MACROD2: variants seen among roughly 807,000 people sequenced by gnomAD.
MACROD2 encodes the protein ADP-ribose glycohydrolase MACROD2.
MACROD2 carries 36 observed loss-of-function variants against 70.4 expected under a neutral mutation model. The ratio of observed to expected loss-of-function variants is 0.51; its 90% CI spans 0.39 to 0.68. MACROD2 has a LOEUF of 0.68. MACROD2 is among the 30% of genes least tolerant of loss of function. MACROD2 has a pLI of 0.00. For missense variants in MACROD2, 496 were observed against 538.4 expected, an observed-to-expected ratio of 0.92 and a Z score of 0.78; for synonymous variants, 172 against 178.8, an observed-to-expected ratio of 0.96 and a Z score of 0.30.
chr20:14,791,462 T>G (rs1250070267), intron 5 of MACROD2, among the ~76,000 whole-genome samples: 5 of 152,122 alleles, frequency 3.3e-5, no homozygotes, highest in Non-Finnish European at 7.3e-5. Context: ...AAAACACAGC[T>G]ATCAGTGTCA....
intron 5 of MACROD2, among the ~76,000 whole-genome samples, chr20:14,758,229 T>A (rs1600633228): frequency 6.6e-6 from 1 of 152,234 alleles, no homozygotes; most frequent in East Asian, 1.9e-4. Context: ...AACCAGAAGA[T>A]CACTTGTGCC....
At chr20:14,318,844 C>A (rs1280827974) in intron 3 of MACROD2, among the ~76,000 whole-genome samples, 1 of 152,112 alleles carries the variant, frequency 6.6e-6, no homozygotes, top group Non-Finnish European at 1.5e-5. Context: ...TAGGCCACTG[C>A]AATCTTTTTC....
At chr20:14,434,818 T>C (rs1250348690) in intron 3 of MACROD2, among the ~76,000 whole-genome samples, 1 of 152,192 alleles carries the variant, frequency 6.6e-6, no homozygotes, top group Non-Finnish European at 1.5e-5. Context: ...TCATCCACTT[T>C]AGTAACCCAT....
chr20:15,260,362 C>A (rs944801245), intron 6 of MACROD2, among the ~76,000 whole-genome samples: 1 of 151,030 alleles, frequency 6.6e-6, no homozygotes, highest in Non-Finnish European at 1.5e-5. Flanking sequence ...TTTTTAGCTC[C>A]CACATATAAG....
In MACROD2 at chr20:15,149,365, G is replaced by C. The variant is rs565271958; in HGVS notation, c.419-80575G>C. 8.5e-5 allele frequency among the ~76,000 whole-genome samples: 13 copies of C among 152,160 alleles called. No homozygotes were observed. In the South Asian group the frequency reaches 1.4e-3, roughly 17 times the overall value. Reference sequence around the variant, plus strand: ...ATTAGGCCTGGTGGAGCTGCCATCAGTAAACCAAGTGTGATCAGGGTGAGG... The same window carrying C: ...ATTAGGCCTGGTGGAGCTGCCATCACTAAACCAAGTGTGATCAGGGTGAGG... On this transcript the variant is annotated intron_variant, in intron 5 of 17. Coordinates refer to ENST00000684519, the MANE Select transcript of MACROD2 (RefSeq NM_001351661.2).
At chr20:15,909,564 C>T (rs192391171) in intron 10 of MACROD2, among the ~76,000 whole-genome samples, 1,449 of 144,550 alleles carry the variant, frequency 0.01, 21 homozygotes, top group African/African-American at 0.036. Flanking sequence ...CTCTCTGTCG[C>T]CCAGGCTGGA....
At chr20:14,454,254 TA>T (rs1456377012) in intron 3 of MACROD2, among the ~76,000 whole-genome samples, 16 of 152,032 alleles carry the variant, frequency 1.1e-4, no homozygotes, top group African/African-American at 3.9e-4. Flanking sequence ...ATTTATCTAT[TA>T]GTTTCTCAGT....
chr20:15,486,803 T>C (rs2047168743), intron 7 of MACROD2, among the ~76,000 whole-genome samples: 1 of 152,230 alleles, frequency 6.6e-6, no homozygotes, highest in Admixed American at 6.5e-5. Flanking sequence ...TCTGAAACAT[T>C]GTGTGTTCAC....
At chr20:16,037,470 A>G (rs1003495403) in intron 15 of MACROD2, among the ~76,000 whole-genome samples, 10 of 151,944 alleles carry the variant, frequency 6.6e-5, no homozygotes, top group African/African-American at 2.4e-4. Context: ...CCCTAAGAAA[A>G]TAGTCAAGAA....
At chr20:15,187,962 T>C (rs1191834804) in intron 5 of MACROD2, among the ~76,000 whole-genome samples, 2 of 152,152 alleles carry the variant, frequency 1.3e-5, no homozygotes, top group Non-Finnish European at 2.9e-5. Flanking sequence ...ATGTCCTTAA[T>C]TATCCTGGAT....
intron 15 of MACROD2, among the ~76,000 whole-genome samples, chr20:16,022,530 G>T (rs2067018094): frequency 6.6e-6 from 1 of 152,186 alleles, no homozygotes; most frequent in African/African-American, 2.4e-5. Flanking sequence ...CACTAGGGCA[G>T]CTTGTTAAAT....
intron 3 of MACROD2, among the ~76,000 whole-genome samples, chr20:14,164,777 C>A (rs775086757): frequency 1.3e-5 from 2 of 152,110 alleles, no homozygotes; most frequent in Non-Finnish European, 1.5e-5. Context: ...GAGGATGAAT[C>A]TTCAGGTGGG....
intron 3 of MACROD2, among the ~76,000 whole-genome samples, chr20:14,227,029 A>G (rs899977416): frequency 5.9e-5 from 9 of 152,172 alleles, no homozygotes; most frequent in African/African-American, 9.7e-5. Flanking sequence ...AAATACACCA[A>G]TTGGCACTCT....
At chr20:14,833,511 T>C (rs2072994624) in intron 5 of MACROD2, among the ~76,000 whole-genome samples, 1 of 152,124 alleles carries the variant, frequency 6.6e-6, no homozygotes, top group Admixed American at 6.5e-5. Context: ...GTTTTTACGA[T>C]TCTGAAGTAT....
intron 5 of MACROD2, among the ~76,000 whole-genome samples, chr20:14,849,031 A>G (rs956708217): frequency 6.6e-6 from 1 of 152,096 alleles, no homozygotes; most frequent in African/African-American, 2.4e-5. Flanking sequence ...CTGTTCATTG[A>G]TCCAGGCAGC....
At chr20:14,732,001 G>A (rs994254217) in intron 5 of MACROD2, among the ~76,000 whole-genome samples, 10 of 151,790 alleles carry the variant, frequency 6.6e-5, no homozygotes, top group Admixed American at 1.3e-4. Context: ...TTAAATTCTC[G>A]CTTAATTTCT....
intron 2 of MACROD2, among the ~76,000 whole-genome samples, chr20:14,058,381 C>T (rs1356587873): frequency 6.6e-6 from 1 of 151,522 alleles, no homozygotes. Flanking sequence ...CCTATATGTT[C>T]TCACATTCAG....
At chr20:14,229,167 A>G (rs573200675) in intron 3 of MACROD2, among the ~76,000 whole-genome samples, 2 of 152,318 alleles carry the variant, frequency 1.3e-5, no homozygotes, top group South Asian at 4.1e-4. Context: ...TTTGCTGATG[A>G]GCTTCTTTTA....
intron 6 of MACROD2, among the ~76,000 whole-genome samples, chr20:15,261,739 G>A (rs1257077100): frequency 6.6e-6 from 1 of 151,926 alleles, no homozygotes; most frequent in African/African-American, 2.4e-5. Flanking sequence ...AGCTGATTGG[G>A]CCTGGAGGTT....
Sources: allele counts gnomAD v4.1 joint callset (sites outside exome capture counted in the v4.1 genomes callset), GRCh38; gene constraint gnomAD v4.1.1; transcripts MANE v1.5; gene names NCBI Gene and HGNC (gene_info 2026-07-23, HGNC 2026-07-21).